The following KLF12 variants were observed in gnomAD, a reference collection of about 807,000 sequenced individuals.
KLF12 encodes KLF transcription factor 12.
Under a neutral mutation model 37.8 loss-of-function variants are expected in KLF12, and 9 were observed. The ratio of observed to expected loss-of-function variants is 0.24; its 90% confidence interval spans 0.14 to 0.42. The LOEUF is 0.42. Ranked by LOEUF, KLF12 falls within the 10% of genes least tolerant of loss-of-function variation. The probability of loss-of-function intolerance (pLI) is 1.00; values close to 1 mark genes in which losing one functional copy is unlikely to be tolerated. For synonymous variants in KLF12, 208 were observed against 202.1 expected (o/e 1.03, Z -0.25); for missense variants, 411 against 516.0 (o/e 0.80, Z 1.97).
chr13:74,199,843 T>A, the KLF12 span, among the ~76,000 whole-genome samples: 1 of 152,220 alleles, frequency 6.6e-6, no homozygotes, highest in African/African-American at 2.4e-5. Flanking sequence ...GTCGTGGTGA[T>A]CTGTCCCTGA....
At chr13:74,176,148 T>A in the KLF12 span, among the ~76,000 whole-genome samples, 1 of 152,212 alleles carries the variant, frequency 6.6e-6, no homozygotes, top group African/African-American at 2.4e-5. Context: ...TCAACCTAAC[T>A]TATTATTCCT....
intron 4 of KLF12, among the ~76,000 whole-genome samples, chr13:73,840,619 T>C (rs1423732527): frequency 1.3e-5 from 2 of 152,050 alleles, no homozygotes; most frequent in Non-Finnish European, 2.9e-5. Context: ...ACTGCAATAG[T>C]CCCCTTTACT....
At chr13:74,082,864 ACC>A (rs1874997324) in intron 1 of KLF12, among the ~76,000 whole-genome samples, 1 of 152,162 alleles carries the variant, frequency 6.6e-6, no homozygotes. Context: ...ACACTGACAG[ACC>A]TTCCGGCAAG....
chr13:74,168,368 T>C, the KLF12 span, among the ~76,000 whole-genome samples: 3 of 152,242 alleles, frequency 2.0e-5, no homozygotes, highest in Non-Finnish European at 4.4e-5. Context: ...TCCCTCTCCA[T>C]ATTACAACTT....
chr13:73,722,164 A>G (rs556276330), intron 6 of KLF12, among the ~76,000 whole-genome samples: 248 of 152,320 alleles, frequency 1.6e-3, no homozygotes, highest in Middle Eastern at 3.4e-3. Flanking sequence ...CTTCTGCCAC[A>G]GAATACCTGT....
At chr13:73,736,019 G>C (rs917604971) in intron 6 of KLF12, among the ~76,000 whole-genome samples, 4 of 151,208 alleles carry the variant, frequency 2.6e-5, no homozygotes, top group African/African-American at 9.8e-5. Flanking sequence ...GTACTACCCA[G>C]GTATGACATT....
At chr13:74,149,575 G>A in the KLF12 span, among the ~76,000 whole-genome samples, 4 of 151,868 alleles carry the variant, frequency 2.6e-5, no homozygotes, top group African/African-American at 9.7e-5. Context: ...AGATTATTGC[G>A]GACACCTCAC....
chr13:74,092,481 G>A (rs745736347), intron 1 of KLF12, among the ~76,000 whole-genome samples: 12 of 150,496 alleles, frequency 8.0e-5, no homozygotes, highest in Admixed American at 1.3e-4. Flanking sequence ...AAAATTAGCC[G>A]GGTGTGGTGG....
chr13:74,207,388 C>T, the KLF12 span, among the ~76,000 whole-genome samples: 2 of 152,142 alleles, frequency 1.3e-5, no homozygotes, highest in Admixed American at 1.3e-4. Flanking sequence ...TAAAAAGTTT[C>T]AGGTCAGGTG....
At chr13:74,158,464 C>T in the KLF12 span, among the ~76,000 whole-genome samples, 1 of 152,210 alleles carries the variant, frequency 6.6e-6, no homozygotes, top group African/African-American at 2.4e-5. Context: ...TTCACTCACA[C>T]TCTTGCTTTC....
At chr13:73,763,640 T>C (rs966692296) in intron 6 of KLF12, among the ~76,000 whole-genome samples, 2 of 152,188 alleles carry the variant, frequency 1.3e-5, no homozygotes, top group African/African-American at 4.8e-5. Context: ...CATTTAGCCA[T>C]TGAGAACCAA....
At chr13:74,121,776 T>C (rs1312805260) in intron 1 of KLF12, among the ~76,000 whole-genome samples, 1 of 152,030 alleles carries the variant, frequency 6.6e-6, no homozygotes. Context: ...TAGTTGCAAG[T>C]ATTAGAATAC....
intron 2 of KLF12, among the ~76,000 whole-genome samples, chr13:73,954,279 G>A (rs968893167): frequency 1.6e-4 from 24 of 151,876 alleles, no homozygotes; most frequent in African/African-American, 5.5e-4. Context: ...CACCCAGCCC[G>A]GTTTTGTCTT....
intron 3 of KLF12, among the ~76,000 whole-genome samples, chr13:73,935,694 C>G (rs1160354232): frequency 1.3e-5 from 2 of 152,100 alleles, no homozygotes; most frequent in Non-Finnish European, 2.9e-5. Context: ...GTGATGGGAT[C>G]TTGGCTTACT....
chr13:73,940,177 C>T (rs895680174), intron 3 of KLF12, among the ~76,000 whole-genome samples: 1 of 152,116 alleles, frequency 6.6e-6, no homozygotes, highest in African/African-American at 2.4e-5. Context: ...CATGTTAGAA[C>T]ATCCAAAGGC....
At chr13:74,241,092 TTGATGATGG>T in the KLF12 span, among the ~76,000 whole-genome samples, 6 of 151,950 alleles carry the variant, frequency 3.9e-5, no homozygotes, top group African/African-American at 1.4e-4. Context: ...CTTTTGGTCT[TTGATGATGG>T]TGATGTACAG....
intron 1 of KLF12, among the ~76,000 whole-genome samples, chr13:74,114,199 A>G (rs1877146674): frequency 6.6e-6 from 1 of 152,196 alleles, no homozygotes; most frequent in Non-Finnish European, 1.5e-5. Flanking sequence ...CCCAACCTTC[A>G]GAACCACCAC....
chr13:73,689,540 C>A lies in KLF12; in HGVS notation c.*5950G>T, dbSNP rs1873696380. The A allele has an allele frequency of 6.6e-6, 1 of 152,072 alleles. No individual in the cohort carries two copies. The highest frequency in any genetic ancestry group is 1.5e-5 in the Non-Finnish European group (1 of 68,020). The allele number at this position is 152,072 out of a possible 1,614,324, so 9.4% of individuals were successfully genotyped here. On this transcript the variant is annotated 3_prime_UTR_variant, in exon 8 of 8. Coordinates refer to ENST00000377669, the MANE Select transcript of KLF12 (RefSeq NM_007249.5). ...TTTCTATCCATGACTCCACTTTTAG[C>A]AGTACAGTAATTACAGGAAAAAACC...
At chr13:73,848,308 G>C (rs1048245816) in intron 3 of KLF12, among the ~76,000 whole-genome samples, 1 of 152,000 alleles carries the variant, frequency 6.6e-6, no homozygotes, top group Non-Finnish European at 1.5e-5. Context: ...CAATACAGGA[G>C]GGGGAGCTGA....
Sources: allele counts gnomAD v4.1 joint callset (sites outside exome capture counted in the v4.1 genomes callset), GRCh38; gene constraint gnomAD v4.1.1; transcripts MANE v1.5; gene names NCBI Gene and HGNC (gene_info 2026-07-23, HGNC 2026-07-21).